The following SGCZ variants were observed in gnomAD, a reference collection of about 807,000 sequenced individuals.
The protein encoded by SGCZ is sarcoglycan zeta, also known as zeta-sarcoglycan.
Under a neutral mutation model 41.3 loss-of-function variants are expected in SGCZ, and 40 were observed. That is an observed-to-expected ratio of 0.97 (90% CI 0.75 to 1.26). The LOEUF is 1.26. Among genes scored for constraint, SGCZ ranks in the 50% most tolerant of loss-of-function variants. SGCZ has a pLI of 0.00. For synonymous variants in SGCZ, 206 were observed against 137.5 expected (o/e 1.50, Z -3.49); for missense variants, 552 against 369.8 (o/e 1.49, Z -4.04).
At chr8:14,497,211 C>T (rs1300101268) in intron 2 of SGCZ, among the ~76,000 whole-genome samples, 2 of 152,128 alleles carry the variant, frequency 1.3e-5, no homozygotes, top group African/African-American at 2.4e-5. Context: ...TCTTGGCTCA[C>T]GGTTCTGCAA....
intron 1 of SGCZ, among the ~76,000 whole-genome samples, chr8:15,133,505 T>A (rs755839265): frequency 4.6e-5 from 7 of 152,198 alleles, no homozygotes; most frequent in Non-Finnish European, 8.8e-5. Context: ...TCCCTGCTCT[T>A]CCTCACAGTT....
intron 1 of SGCZ, among the ~76,000 whole-genome samples, chr8:14,648,480 A>G (rs1218902285): frequency 6.6e-6 from 1 of 152,134 alleles, no homozygotes; most frequent in Admixed American, 6.6e-5. Flanking sequence ...TGTTTAGTAC[A>G]TTGTGACATG....
At chr8:14,631,498 C>A (rs1406431948) in intron 1 of SGCZ, among the ~76,000 whole-genome samples, 1 of 151,920 alleles carries the variant, frequency 6.6e-6, no homozygotes, top group African/African-American at 2.4e-5. Context: ...TTCCCCTTGC[C>A]CAGAGATAAT....
chr8:15,167,384 C>A (rs1799697484), intron 1 of SGCZ, among the ~76,000 whole-genome samples: 1 of 152,192 alleles, frequency 6.6e-6, no homozygotes, highest in African/African-American at 2.4e-5. Context: ...GGTTCTTGAC[C>A]TGTGGTCAGT....
At chr8:14,255,977 T>TAAATATATTAAATATATTA (rs1180113190) in intron 3 of SGCZ, among the ~76,000 whole-genome samples, 2 of 152,104 alleles carry the variant, frequency 1.3e-5, no homozygotes, top group Admixed American at 1.3e-4. Flanking sequence ...CATTATCTAT[T>TAAATATATTAAATATATTA]CATTAAATAT....
At chr8:14,886,874 G>A (rs888290455) in intron 1 of SGCZ, among the ~76,000 whole-genome samples, 1 of 152,154 alleles carries the variant, frequency 6.6e-6, no homozygotes, top group African/African-American at 2.4e-5. Flanking sequence ...AGAGGCTACT[G>A]CAATAAAAGA....
chr8:14,283,629 A>G (rs528120379), intron 3 of SGCZ, among the ~76,000 whole-genome samples: 7 of 152,316 alleles, frequency 4.6e-5, no homozygotes, highest in Non-Finnish European at 8.8e-5. Flanking sequence ...CTCTTACATA[A>G]CCATGTTATA....
chr8:14,661,940 A>G (rs1008675682), intron 1 of SGCZ, among the ~76,000 whole-genome samples: 2 of 152,180 alleles, frequency 1.3e-5, no homozygotes, highest in Non-Finnish European at 2.9e-5. Flanking sequence ...AATTTTAAAT[A>G]CACAAGCATT....
intron 1 of SGCZ, among the ~76,000 whole-genome samples, chr8:14,796,277 G>T (rs146428534): frequency 1.3e-5 from 2 of 152,180 alleles, no homozygotes; most frequent in East Asian, 3.9e-4. Flanking sequence ...CTGAACTAAT[G>T]CCTGCTGTTT....
At chr8:14,327,318 T>C (rs1420301377) in intron 2 of SGCZ, among the ~76,000 whole-genome samples, 1 of 152,102 alleles carries the variant, frequency 6.6e-6, no homozygotes, top group Non-Finnish European at 1.5e-5. Flanking sequence ...AAACCAAGAG[T>C]ATTAATTAGA....
At chr8:14,503,509 CCTGTAATCCCAG>C (rs1212309295) in intron 2 of SGCZ, among the ~76,000 whole-genome samples, 1 of 152,150 alleles carries the variant, frequency 6.6e-6, no homozygotes, top group African/African-American at 2.4e-5. Context: ...GTGGCTCATG[CCTGTAATCCCAG>C]CACTTTAGGA....
At chr8:15,035,713 A>C (rs911141838) in intron 1 of SGCZ, among the ~76,000 whole-genome samples, 6 of 152,182 alleles carry the variant, frequency 3.9e-5, no homozygotes, top group African/African-American at 1.4e-4. Flanking sequence ...AATAAAATTG[A>C]AGTCAAAACT....
At chr8:14,631,206 A>G (rs902480458) in intron 1 of SGCZ, among the ~76,000 whole-genome samples, 2 of 151,926 alleles carry the variant, frequency 1.3e-5, no homozygotes, top group Non-Finnish European at 2.9e-5. Flanking sequence ...AGGGGTGAGG[A>G]GTCTGAACCG....
chr8:14,179,480 G>C (rs897145383), intron 4 of SGCZ, among the ~76,000 whole-genome samples: 2 of 152,182 alleles, frequency 1.3e-5, no homozygotes, highest in Admixed American at 1.3e-4. Flanking sequence ...CATCCCCACT[G>C]TCTGTCACAG....
At chr8:15,171,010 GACTA>G (rs947352358) in intron 1 of SGCZ, among the ~76,000 whole-genome samples, 138 of 152,220 alleles carry the variant, frequency 9.1e-4, no homozygotes, top group African/African-American at 3.2e-3. Context: ...ATAATATTTA[GACTA>G]ACAAACAAAT....
chr8:14,379,301 A>C (rs1429434337), intron 2 of SGCZ, among the ~76,000 whole-genome samples: 2 of 152,228 alleles, frequency 1.3e-5, no homozygotes, highest in African/African-American at 4.8e-5. Context: ...AAACTAACTT[A>C]CGTAAGTCAA....
At chr8:14,853,535 C>A (rs1268280131) in intron 1 of SGCZ, 2 of 526,830 alleles carry the variant, frequency 3.8e-6, no homozygotes, top group African/African-American at 3.9e-5. Flanking sequence ...ATTCTGAAGT[C>A]TCTTGATAAA....
intron 2 of SGCZ, among the ~76,000 whole-genome samples, chr8:14,488,823 T>C (rs1350620509): frequency 6.6e-6 from 1 of 152,180 alleles, no homozygotes; most frequent in Non-Finnish European, 1.5e-5. Context: ...TGCAATAGTC[T>C]TAAATAACAT....
chr8:15,013,872 C>T (rs1019627021), intron 1 of SGCZ, among the ~76,000 whole-genome samples: 4 of 152,078 alleles, frequency 2.6e-5, no homozygotes, highest in Non-Finnish European at 4.4e-5. Flanking sequence ...AGAGACAAAG[C>T]AGTTGGTTTC....
Sources: allele counts gnomAD v4.1 joint callset (sites outside exome capture counted in the v4.1 genomes callset), GRCh38; gene constraint gnomAD v4.1.1; transcripts MANE v1.5; gene names NCBI Gene and HGNC (gene_info 2026-07-23, HGNC 2026-07-21).